Variants in FAF1 observed in about 807,000 individuals in gnomAD.
The protein encoded by FAF1 is Fas associated factor 1.
Under a neutral mutation model 92.5 loss-of-function variants are expected in FAF1, and 25 were observed. That is an observed-to-expected ratio of 0.27 (90% CI 0.20 to 0.38). The LOEUF is 0.38. FAF1 is among the 10% of genes least tolerant of loss of function. The pLI is 1.00. For missense variants in FAF1, 636 were observed against 793.3 expected, an observed-to-expected ratio of 0.80 and a Z score of 2.38; for synonymous variants, 234 against 273.2, an observed-to-expected ratio of 0.86 and a Z score of 1.42.
At chr1:50,845,647 G>C (rs974823686) in intron 2 of FAF1, among the ~76,000 whole-genome samples, 1 of 151,992 alleles carries the variant, frequency 6.6e-6, no homozygotes, top group Admixed American at 6.6e-5. Flanking sequence ...GCCCTAGCCT[G>C]GTGTAGCCAA....
chr1:50,936,332 C>A (rs1269872361), intron 1 of FAF1, among the ~76,000 whole-genome samples: 1 of 152,042 alleles, frequency 6.6e-6, no homozygotes, highest in Non-Finnish European at 1.5e-5. Context: ...TATTGCAGAT[C>A]TATTTTTTTA....
rs191784918 is a variant in FAF1, at chr1:50,521,076, T to C, written c.1494+14293A>G. On this transcript the variant is annotated intron_variant, in intron 15 of 18. Coordinates refer to ENST00000396153, the MANE Select transcript of FAF1 (RefSeq NM_007051.3). The stretch of plus-strand genomic sequence containing the variant: ...TAATTGACAAAAATTGTATATATCA[T>C]GTATAATCTGATGTTCTGAACTATA... Among the ~76,000 whole-genome samples the C allele has an allele frequency of 9.1e-4, 139 of 152,336 alleles. 2 individuals carry two copies. The highest frequency in any genetic ancestry group is 3.3e-3 in the African/African-American group (138 of 41,568).
At chr1:50,729,938 T>G in intron 6 of FAF1, among the ~76,000 whole-genome samples, 1 of 152,030 alleles carries the variant, frequency 6.6e-6, no homozygotes, top group East Asian at 1.9e-4. Context: ...GGAGAGTTGC[T>G]TGAACCCAGG....
intron 6 of FAF1, among the ~76,000 whole-genome samples, chr1:50,734,601 G>T (rs1659062994): frequency 6.6e-6 from 1 of 151,994 alleles, no homozygotes; most frequent in African/African-American, 2.4e-5. Context: ...GGGCGTATTG[G>T]CGGGCGCCTG....
chr1:50,548,178 A>G (rs987875576), intron 13 of FAF1, among the ~76,000 whole-genome samples: 2 of 152,180 alleles, frequency 1.3e-5, no homozygotes, highest in African/African-American at 4.8e-5. Flanking sequence ...ATATATGACG[A>G]GATAAGACAT....
In FAF1 at chr1:50,824,667, T is replaced by G. The variant is rs200602479; in HGVS notation, c.115-22990A>C. ...ACTCCTATGTTTATTGCAGCACTAT[T>G]CACAACAGCCAAGATATGAAATCAA... On this transcript the variant is annotated intron_variant, in intron 2 of 18. Transcript: ENST00000396153. Among the ~76,000 whole-genome samples, 16 of 152,278 alleles carry G rather than the reference T, an allele frequency of 1.1e-4. No individual in the cohort carries two copies. In the East Asian group the frequency reaches 3.1e-3, roughly 29 times the overall value.
intron 1 of FAF1, among the ~76,000 whole-genome samples, chr1:50,917,685 AAAGG>A (rs1265382600): frequency 1.2e-4 from 18 of 150,194 alleles, no homozygotes; most frequent in African/African-American, 4.5e-4. Flanking sequence ...AAAGGAAAGG[AAAGG>A]AAAGGAAAGG....
intron 13 of FAF1, among the ~76,000 whole-genome samples, chr1:50,564,666 G>T (rs1363503191): frequency 6.6e-6 from 1 of 152,086 alleles, no homozygotes; most frequent in African/African-American, 2.4e-5. Context: ...GATAAATGTG[G>T]TGTAAAAATC....
intron 1 of FAF1, among the ~76,000 whole-genome samples, chr1:50,867,068 CA>C (rs1644487488): frequency 6.6e-6 from 1 of 152,000 alleles, no homozygotes; most frequent in Non-Finnish European, 1.5e-5. Context: ...ACAAAGCAAA[CA>C]AAAACATAAA....
Position 50,676,417 on chromosome 1 carries a change from A to G in FAF1, c.658-20889T>C, listed in dbSNP as rs539182383. Among the ~76,000 whole-genome samples the G allele has an allele frequency of 3.5e-4, 53 of 152,032 alleles. 1 individual carries two copies. In the South Asian group the frequency reaches 9.6e-3, roughly 27 times the overall value. On this transcript the variant is annotated intron_variant, in intron 7 of 18. Transcript: ENST00000396153. Reference sequence around the variant, plus strand: ...AGTGAAACTCTGTCTTAAAAAAAAAAAAAGAAAGAAAGAAAATGAAACTAA... The same window carrying G: ...AGTGAAACTCTGTCTTAAAAAAAAAGAAAGAAAGAAAGAAAATGAAACTAA...
intron 13 of FAF1, among the ~76,000 whole-genome samples, chr1:50,551,515 C>T (rs1241127164): frequency 6.6e-6 from 1 of 152,126 alleles, no homozygotes; most frequent in African/African-American, 2.4e-5. Context: ...AACTTGCTCA[C>T]AATACCCACA....
chr1:50,917,814 G>T (rs554216546), intron 1 of FAF1, among the ~76,000 whole-genome samples: 15 of 152,212 alleles, frequency 9.9e-5, no homozygotes, highest in Admixed American at 5.9e-4. Flanking sequence ...GAAATAAAAA[G>T]GTAAGTCACA....
chr1:50,795,454 G>A (rs557686794), intron 3 of FAF1, among the ~76,000 whole-genome samples: 3 of 152,132 alleles, frequency 2.0e-5, no homozygotes. Context: ...TGGGATCATC[G>A]TGTATGCCAT....
intron 1 of FAF1, among the ~76,000 whole-genome samples, chr1:50,900,169 C>T (rs1644785258): frequency 6.6e-6 from 1 of 152,162 alleles, no homozygotes; most frequent in African/African-American, 2.4e-5. Flanking sequence ...CTCTCTCAGA[C>T]ACTTACAATG....
In FAF1 at chr1:50,535,307, T is replaced by C. The variant is rs531228972; in HGVS notation, c.1494+62A>G. The C allele has an allele frequency of 2.7e-6, 3 of 1,106,752 alleles. No individual in the cohort carries two copies. In the African/African-American group the frequency reaches 4.6e-5, roughly 17 times the overall value. 68.6% of individuals were successfully genotyped at this position (1,106,752 alleles called of 1,614,324 possible). A position where few individuals can be genotyped will look rare whatever the true frequency, so the allele number is the denominator to read the frequency against. On this transcript the variant is annotated intron_variant, in intron 15 of 18. Transcript: ENST00000396153. The stretch of plus-strand genomic sequence containing the variant: ...CATATCATAGGCATGTATCATCATT[T>C]GACAAATTAAAATCCTATTAAAATC...
chr1:50,498,804 C>T (rs1459726934), intron 15 of FAF1, among the ~76,000 whole-genome samples: 2 of 150,178 alleles, frequency 1.3e-5, no homozygotes, highest in Admixed American at 6.6e-5. Flanking sequence ...GAACCGAGAT[C>T]GTGCCACTGC....
intron 15 of FAF1, among the ~76,000 whole-genome samples, chr1:50,520,758 T>C (rs1020985887): frequency 1.1e-4 from 17 of 152,104 alleles, no homozygotes; most frequent in Non-Finnish European, 2.2e-4. Context: ...GGCAGGAGGA[T>C]TGCTTCAGCC....
chr1:50,698,197 T>C (rs1283991770), intron 7 of FAF1, among the ~76,000 whole-genome samples: 2 of 152,038 alleles, frequency 1.3e-5, no homozygotes, highest in African/African-American at 4.8e-5. Flanking sequence ...AATGAAGAGG[T>C]TGGTTACTAT....
At chr1:50,923,373 C>T (rs907722590) in intron 1 of FAF1, among the ~76,000 whole-genome samples, 10 of 152,032 alleles carry the variant, frequency 6.6e-5, no homozygotes, top group African/African-American at 2.4e-4. Flanking sequence ...ATGATCATAC[C>T]ACTGCATTCC....
Sources: allele counts gnomAD v4.1 joint callset (sites outside exome capture counted in the v4.1 genomes callset), GRCh38; gene constraint gnomAD v4.1.1; transcripts MANE v1.5; gene names NCBI Gene and HGNC (gene_info 2026-07-23, HGNC 2026-07-21).